Variants in DRC11 observed in about 807,000 individuals in gnomAD.
The protein encoded by DRC11 is dynein regulatory complex subunit 11, also known as IQ and AAA domain-containing protein 1.
the DRC11 span, among the ~76,000 whole-genome samples, chr2:236,475,530 G>C: frequency 2.6e-5 from 4 of 152,026 alleles, no homozygotes; most frequent in African/African-American, 9.7e-5. This position sits in a 1 kb window ranked among gnomAD's most constrained non-coding sequence, Gnocchi z 4.8. Context: ...GTATTAGGTT[G>C]GTGCAAAAGT....
the DRC11 span, among the ~76,000 whole-genome samples, chr2:236,383,911 G>A: frequency 6.7e-6 from 1 of 150,048 alleles, no homozygotes; most frequent in Non-Finnish European, 1.5e-5. Context: ...GAGAATATGC[G>A]GTGTTTGGTT....
At chr2:236,505,798 C>A in the DRC11 span, among the ~76,000 whole-genome samples, 1 of 152,144 alleles carries the variant, frequency 6.6e-6, no homozygotes, top group African/African-American at 2.4e-5. Context: ...ACGATGTCAC[C>A]CACTTCTCCC....
At chr2:236,464,925 C>T in the DRC11 span, among the ~76,000 whole-genome samples, 6 of 152,136 alleles carry the variant, frequency 3.9e-5, no homozygotes, top group African/African-American at 1.4e-4. Context: ...GTTAAAGCTC[C>T]CTGAGGCAAA....
At chr2:236,478,156 TC>T in the DRC11 span, among the ~76,000 whole-genome samples, 1 of 152,136 alleles carries the variant, frequency 6.6e-6, no homozygotes, top group Non-Finnish European at 1.5e-5. The surrounding 1 kb of genome is among the most constrained non-coding windows in gnomAD (Gnocchi z 5.9). Context: ...TTGAGCTCTT[TC>T]TGTTTTTCTG....
At chr2:236,460,039 C>T in the DRC11 span, among the ~76,000 whole-genome samples, 8 of 152,108 alleles carry the variant, frequency 5.3e-5, no homozygotes, top group African/African-American at 1.4e-4. This position sits in a 1 kb window ranked among gnomAD's most constrained non-coding sequence, Gnocchi z 4.0. Flanking sequence ...GAGGACTGAC[C>T]GTGTTTCATG....
chr2:236,372,051 C>A, the DRC11 span, among the ~76,000 whole-genome samples: 1 of 152,080 alleles, frequency 6.6e-6, no homozygotes, highest in African/African-American at 2.4e-5. The surrounding 1 kb of genome is among the most constrained non-coding windows in gnomAD (Gnocchi z 4.5). Context: ...GTTTTTTAAA[C>A]GTCTAAACCC....
the DRC11 span, among the ~76,000 whole-genome samples, chr2:236,312,415 CAAAG>C: frequency 0.033 from 5,018 of 152,194 alleles, 104 homozygotes; most frequent in Non-Finnish European, 0.051. Flanking sequence ...TGAAAAGTGA[CAAAG>C]AAAATAAGCA....
the DRC11 span, chr2:236,419,386 C>T: frequency 7.1e-7 from 1 of 1,417,652 alleles, no homozygotes; most frequent in South Asian, 1.7e-5. The surrounding 1 kb of genome is among the most constrained non-coding windows in gnomAD (Gnocchi z 4.8). Context: ...TCTGCCTGGC[C>T]CTGGACCCTG....
chr2:236,437,581 C>T, the DRC11 span, among the ~76,000 whole-genome samples: 47 of 150,316 alleles, frequency 3.1e-4, no homozygotes, highest in African/African-American at 1.1e-3. Flanking sequence ...GTTCCTATTT[C>T]TCCACATCCT....
the DRC11 span, among the ~76,000 whole-genome samples, chr2:236,455,544 T>C: frequency 1.3e-5 from 2 of 152,142 alleles, no homozygotes; most frequent in Non-Finnish European, 2.9e-5. This position sits in a 1 kb window ranked among gnomAD's most constrained non-coding sequence, Gnocchi z 5.7. Flanking sequence ...GACGCGACAT[T>C]CTGTCCATTG....
At chr2:236,312,725 T>G in the DRC11 span, among the ~76,000 whole-genome samples, 1 of 151,770 alleles carries the variant, frequency 6.6e-6, no homozygotes, top group African/African-American at 2.4e-5. Flanking sequence ...AGTAAAAAAT[T>G]ACAATAAAGA....
the DRC11 span, among the ~76,000 whole-genome samples, chr2:236,347,505 GT>G: frequency 1.0e-5 from 1 of 97,026 alleles, no homozygotes; most frequent in African/African-American, 3.5e-5. Flanking sequence ...TAAAAAAACT[GT>G]GCTATATATA....
the DRC11 span, chr2:236,392,110 G>C: frequency 7.1e-5 from 113 of 1,588,460 alleles, no homozygotes; most frequent in Non-Finnish European, 9.3e-5. This position sits in a 1 kb window ranked among gnomAD's most constrained non-coding sequence, Gnocchi z 5.1. Flanking sequence ...AAGTCACTTT[G>C]CATGTCTTGT....
the DRC11 span, among the ~76,000 whole-genome samples, chr2:236,422,756 C>A: frequency 6.6e-6 from 1 of 152,070 alleles, no homozygotes; most frequent in African/African-American, 2.4e-5. Context: ...CAATCCTAAG[C>A]CAAAAGAACA....
the DRC11 span, among the ~76,000 whole-genome samples, chr2:236,444,424 C>T: frequency 1.5e-4 from 23 of 152,346 alleles, no homozygotes; most frequent in South Asian, 1.4e-3. Flanking sequence ...AAAAATAGCA[C>T]GCAATGTCTT....
the DRC11 span, among the ~76,000 whole-genome samples, chr2:236,462,658 G>A: frequency 2.6e-5 from 4 of 152,100 alleles, no homozygotes; most frequent in Non-Finnish European, 4.4e-5. This position sits in a 1 kb window ranked among gnomAD's most constrained non-coding sequence, Gnocchi z 6.4. Context: ...GTGACACAGC[G>A]AGACCCTGCC....
the DRC11 span, among the ~76,000 whole-genome samples, chr2:236,400,209 G>A: frequency 6.6e-6 from 1 of 152,140 alleles, no homozygotes; most frequent in Non-Finnish European, 1.5e-5. The surrounding 1 kb of genome is among the most constrained non-coding windows in gnomAD (Gnocchi z 7.9). Context: ...CCCCATCCTT[G>A]AGCCTGGAGC....
At chr2:236,461,705 AACAGGG>A in the DRC11 span, among the ~76,000 whole-genome samples, 1 of 152,210 alleles carries the variant, frequency 6.6e-6, no homozygotes, top group Non-Finnish European at 1.5e-5. The surrounding 1 kb of genome is among the most constrained non-coding windows in gnomAD (Gnocchi z 4.0). Context: ...AACTCCATGA[AACAGGG>A]ACAATTCTTG....
chr2:236,324,703 T>C, the DRC11 span: 4 of 1,586,724 alleles, frequency 2.5e-6, no homozygotes, highest in Admixed American at 1.7e-5. This position sits in a 1 kb window ranked among gnomAD's most constrained non-coding sequence, Gnocchi z 5.7. Context: ...TCCTTTTCCC[T>C]TTGTCCTTTG....
Sources: allele counts gnomAD v4.1 joint callset (sites outside exome capture counted in the v4.1 genomes callset), GRCh38; gene constraint gnomAD v4.1.1; non-coding constraint Gnocchi (gnomAD v3.1); transcripts MANE v1.5; gene names NCBI Gene and HGNC (gene_info 2026-07-23, HGNC 2026-07-21).